Variants in NIT1 observed in about 807,000 individuals in gnomAD.
The protein encoded by NIT1 is nitrilase 1.
NIT1 carries 30 observed loss-of-function variants against 36.8 expected under a neutral mutation model. The observed-to-expected ratio is 0.82, with a 90% CI of 0.61 to 1.11. The LOEUF (loss-of-function observed/expected upper bound fraction) is 1.11. Among genes scored for constraint, NIT1 ranks in the 50% least tolerant of loss-of-function variants. NIT1 has a pLI of 0.00. For synonymous variants in NIT1, 151 were observed against 155.6 expected (o/e 0.97, Z 0.22); for missense variants, 438 against 410.6 (o/e 1.07, Z -0.58).
rs145321109 is a variant in NIT1, at chr1:161,119,593, C to T, written c.438C>T (p.His146=). The T allele has an allele frequency of 1.7e-5, 27 of 1,614,014 alleles. No homozygotes were observed. The highest frequency in any genetic ancestry group is 1.6e-4 in the Middle Eastern group (1 of 6,082). The part of the protein sequence containing the change: ...WEQTQKIYNC[H]VLLNSKGAVV... The stretch of plus-strand genomic sequence containing the variant: ...AGACTCAGAAAATCTACAATTGTCA[C>T]GTGCTGCTGAACAGCAAAGGTGAGA... Residue 146 remains histidine, a synonymous_variant, in exon 4 of 7, where the codon CAC becomes CAT. Transcript: ENST00000368009.
At chr1:161,122,151 G>C (rs746601329), downstream of NIT1, 10 of 1,612,904 alleles carry the variant, frequency 6.2e-6, no homozygotes, top group Non-Finnish European at 8.5e-6. This position sits in a 1 kb window ranked among gnomAD's most constrained non-coding sequence, Gnocchi z 4.2. Flanking sequence ...AATAGGTCAG[G>C]GCAATGCTTG....
In NIT1 at chr1:161,120,542, T is replaced by C. The variant is rs556942713; in HGVS notation, c.761T>C (p.Val254Ala). The C allele has an allele frequency of 1.9e-6, 3 of 1,614,162 alleles. No individual in the cohort carries two copies. The Admixed American group carries it at 5.0e-5, about 27-fold the overall frequency. The change falls in exon 7 of 7, where the codon GTG becomes GCG. Residue 254 changes from valine (V) to alanine (A), a missense_variant. Transcript: ENST00000368009. ...ARAIETQCYV[V>A]AAAQCGRHHE... ...GCTATCGAAACCCAGTGCTATGTAG[T>C]GGCAGCAGCACAGTGTGGACGCCAC...
At chr1:161,118,902 C>T (rs1004474874) in intron 2 of NIT1, 21 bp downstream of exon 2, 2 of 1,568,772 alleles carry the variant, frequency 1.3e-6, no homozygotes, top group Non-Finnish European at 1.8e-6. Context: ...TTGTTGTGTC[C>T]TCAGTGCCTG....
downstream of NIT1, chr1:161,122,024 T>TAAA (rs34197267): frequency 8.0e-4 from 859 of 1,067,164 alleles, no homozygotes; most frequent in South Asian, 1.1e-3. The surrounding 1 kb of genome is among the most constrained non-coding windows in gnomAD (Gnocchi z 4.2). Context: ...TCTTTTTCTT[T>TAAA]AAAAAAAAAA....
chr1:161,118,576 T>C (rs1165331335), intron 1 of NIT1: 3 of 1,536,268 alleles, frequency 2.0e-6, no homozygotes, highest in East Asian at 2.4e-5. Flanking sequence ...AGTTGAACTA[T>C]TCAGGCGGCG....
chr1:161,124,582 G>C, downstream of NIT1: 1 of 1,469,262 alleles, frequency 6.8e-7, no homozygotes, highest in Non-Finnish European at 9.0e-7. Context: ...CTAGTCTCAT[G>C]CATTCCCATA....
chr1:161,124,873 AAGGCT>A (rs1655990059), downstream of NIT1: 2 of 163,240 alleles, frequency 1.2e-5, no homozygotes, highest in East Asian at 3.5e-4. Context: ...AGGTGGGAGG[AAGGCT>A]TGAGGCCAGG....
downstream of NIT1, chr1:161,123,278 A>G: frequency 4.7e-6 from 7 of 1,499,948 alleles, no homozygotes; most frequent in Non-Finnish European, 5.5e-6. Context: ...AAATTCAAAC[A>G]CTTCTGTTGG....
At chr1:161,119,663 G>A (rs200100863) in intron 4 of NIT1, 51 bp downstream of exon 4, 1 of 1,116,434 alleles carries the variant, frequency 9.0e-7, no homozygotes, top group Non-Finnish European at 1.3e-6. Flanking sequence ...CTTCTACCTA[G>A]ATTCTCCAGA....
At chr1:161,122,662 A>G, downstream of NIT1, 1 of 1,152,518 alleles carries the variant, frequency 8.7e-7, no homozygotes, top group East Asian at 2.4e-5. The surrounding 1 kb of genome is among the most constrained non-coding windows in gnomAD (Gnocchi z 4.2). Flanking sequence ...CTTCCCCAGG[A>G]CTATTTCTAT....
At chr1:161,118,220 C>T in intron 1 of NIT1, 42 bp downstream of exon 1, 4 of 1,614,002 alleles carry the variant, frequency 2.5e-6, no homozygotes, top group Non-Finnish European at 3.4e-6. Flanking sequence ...GTGAATCCCA[C>T]CTGCGGTGCT....
At position 161,121,155 on chromosome 1, in the gene NIT1, T is replaced by C; in HGVS notation, c.*390T>C. 9.4e-7 allele frequency: 1 copy of C among 1,058,674 alleles called. No homozygotes were observed. Among genetic ancestry groups the C allele is most frequent in the Non-Finnish European group, 1.1e-6 (1 of 873,234 alleles). 65.6% of individuals were successfully genotyped at this position (1,058,674 alleles called of 1,614,324 possible). On this transcript the variant is annotated 3_prime_UTR_variant, in exon 7 of 7. Coordinates refer to ENST00000368009, the MANE Select transcript of NIT1 (RefSeq NM_005600.3). ...CTCCAGTTCTAGACCTCCTGGCTCA[T>C]TCAACATGCCTCCCTACCTAAATAA...
In NIT1 at chr1:161,118,879, C is replaced by T; in HGVS notation, c.96C>T (p.Pro32=). Residue 32 remains proline, a splice_region_variant and synonymous_variant, in exon 2 of 7, where the codon CCC becomes CCT. Transcript: ENST00000368009. ...IPQLSVLCAQ[P]RPRAMAISSS... ...AACTCTCAGTACTTTGTGCTCAGCC[C>T]AGGTAACACGTTTTGTTGTGTCCTC... is the stretch of plus-strand genomic sequence containing the variant. 1 of 1,611,592 alleles carries T rather than the reference C, an allele frequency of 6.2e-7. No homozygotes were observed. Among genetic ancestry groups the T allele is most frequent in the Non-Finnish European group, 8.5e-7 (1 of 1,177,718 alleles).
downstream of NIT1, chr1:161,124,459 C>T: frequency 6.2e-7 from 1 of 1,600,044 alleles, no homozygotes; most frequent in Non-Finnish European, 8.6e-7. Flanking sequence ...TTTAGGCCCG[C>T]CATGCTGGGG....
In NIT1 at chr1:161,118,191, C is replaced by G. The variant is rs761995626; in HGVS notation, c.2+13C>G. 1.1e-5 allele frequency: 17 copies of G among 1,614,084 alleles called. No individual in the cohort carries two copies. The South Asian group carries it at 1.9e-4, about 18-fold the overall frequency. On this transcript the variant is annotated intron_variant, in intron 1 of 6. Coordinates refer to ENST00000368009, the MANE Select transcript of NIT1 (RefSeq NM_005600.3). Reference sequence around the variant, plus strand: ...GCTATATCTTCATGTAGGACCTACTCCCTATCCCGTCGGCCGCGGTGAATC... The same window carrying G: ...GCTATATCTTCATGTAGGACCTACTGCCTATCCCGTCGGCCGCGGTGAATC...
At chr1:161,118,258 CTG>C in intron 1 of NIT1, 80 bp downstream of exon 1, 1 of 1,612,040 alleles carries the variant, frequency 6.2e-7, no homozygotes, top group Non-Finnish European at 8.5e-7. Context: ...GATGCTGCCT[CTG>C]GGAGAGGCGG....
chr1:161,120,903 A>G lies in NIT1; in HGVS notation c.*138A>G. Reference sequence around the variant, plus strand: ...AACCTTGACTCTCTTGATGGAACACAGATGGGCTGCTTGGGAAAGAAACTT... The same window carrying G: ...AACCTTGACTCTCTTGATGGAACACGGATGGGCTGCTTGGGAAAGAAACTT... On this transcript the variant is annotated 3_prime_UTR_variant, in exon 7 of 7. Transcript: ENST00000368009. 7.0e-7 allele frequency: 1 copy of G among 1,438,302 alleles called. No individual in the cohort carries two copies. Among genetic ancestry groups the G allele is most frequent in the Non-Finnish European group, 9.1e-7 (1 of 1,100,748 alleles). 89.1% of individuals were successfully genotyped at this position (1,438,302 alleles called of 1,614,324 possible).
chr1:161,119,055 C>G, intron 2 of NIT1, 79 bp from the exon 3 acceptor site: 1 of 1,553,758 alleles, frequency 6.4e-7, no homozygotes. Context: ...GCTTTCCTGC[C>G]TCTCCACTTG....
downstream of NIT1, chr1:161,124,160 G>A: frequency 1.9e-6 from 3 of 1,613,642 alleles, no homozygotes; most frequent in South Asian, 1.1e-5. Context: ...TCTTGAGGGT[G>A]ACGTAGGGCA....
Sources: gnomAD v4.1 joint callset for allele counts on GRCh38, gnomAD v4.1.1 for gene constraint, Gnocchi (gnomAD v3.1) non-coding constraint, MANE v1.5 for transcripts, NCBI Gene and HGNC (gene_info 2026-07-23, HGNC 2026-07-21) for gene names.